CCDC171: variants seen among roughly 807,000 people sequenced by gnomAD.
CCDC171 encodes coiled-coil domain containing 171, also known as coiled-coil domain-containing protein 171.
CCDC171 carries 177 observed loss-of-function variants against 168.2 expected under a neutral mutation model. The observed-to-expected ratio is 1.05, with a 90% CI of 0.93 to 1.19. The LOEUF (loss-of-function observed/expected upper bound fraction) is 1.19, where lower values mean the gene tolerates loss of function less well. Among genes scored for constraint, CCDC171 ranks in the 50% most tolerant of loss-of-function variants. The pLI is 0.00. For missense variants in CCDC171, 1,991 were observed against 1,539.0 expected, an observed-to-expected ratio of 1.29 and a Z score of -4.91; for synonymous variants, 687 against 540.8, an observed-to-expected ratio of 1.27 and a Z score of -3.75.
At chr9:16,031,801 T>G (rs915299807) in intron 6 of CCDC171, among the ~76,000 whole-genome samples, 2 of 152,046 alleles carry the variant, frequency 1.3e-5, no homozygotes, top group Non-Finnish European at 2.9e-5. Flanking sequence ...GGGAACATGT[T>G]GAGATGGGGT....
intron 4 of CCDC171, among the ~76,000 whole-genome samples, chr9:15,583,042 G>T (rs969395607): frequency 1.3e-5 from 2 of 151,876 alleles, no homozygotes; most frequent in African/African-American, 2.4e-5. Context: ...ACATGCACAC[G>T]CAGGTTTACA....
the CCDC171 span, among the ~76,000 whole-genome samples, chr9:16,068,775 A>G: frequency 6.6e-6 from 1 of 151,684 alleles, no homozygotes; most frequent in Non-Finnish European, 1.5e-5. Context: ...TTCTGCCAGG[A>G]TACGATGTAT....
chr9:16,091,133 C>G, the CCDC171 span, among the ~76,000 whole-genome samples: 2 of 152,178 alleles, frequency 1.3e-5, no homozygotes, highest in Non-Finnish European at 2.9e-5. Flanking sequence ...GATTAGCTGC[C>G]TGGAGCTGCC....
intron 21 of CCDC171, among the ~76,000 whole-genome samples, chr9:15,841,050 G>T (rs187680991): frequency 5.9e-5 from 9 of 151,972 alleles, no homozygotes; most frequent in Non-Finnish European, 1.0e-4. Context: ...TGAGAATATG[G>T]TACAGATAAT....
chr9:15,944,646 G>C (rs1289904524), intron 25 of CCDC171, among the ~76,000 whole-genome samples: 2 of 152,004 alleles, frequency 1.3e-5, no homozygotes, highest in African/African-American at 4.8e-5. Context: ...AGGCATGCGG[G>C]TTTAAATGAA....
chr9:15,666,601 A>G (rs2048751757), intron 9 of CCDC171, among the ~76,000 whole-genome samples: 2 of 152,158 alleles, frequency 1.3e-5, no homozygotes, highest in African/African-American at 4.8e-5. Context: ...GAGTGATGTA[A>G]CGCAATATCT....
At chr9:15,884,481 G>C (rs938369445) in intron 24 of CCDC171, among the ~76,000 whole-genome samples, 1 of 152,160 alleles carries the variant, frequency 6.6e-6, no homozygotes. Context: ...CCATAAGTCT[G>C]TGCAATTTAC....
At chr9:16,054,609 G>A (rs972467657) in intron 1 of CCDC171, among the ~76,000 whole-genome samples, 1 of 152,200 alleles carries the variant, frequency 6.6e-6, no homozygotes, top group African/African-American at 2.4e-5. Context: ...AATAGAGCCA[G>A]GGGGAGGACT....
chr9:15,661,962 C>G (rs887052813), intron 8 of CCDC171, among the ~76,000 whole-genome samples: 6 of 152,210 alleles, frequency 3.9e-5, no homozygotes, highest in African/African-American at 1.4e-4. Context: ...ACCTATTTTA[C>G]TCCCTTAGTT....
intron 1 of CCDC171, among the ~76,000 whole-genome samples, chr9:16,058,058 T>TA (rs1000985343): frequency 6.8e-6 from 1 of 147,956 alleles, no homozygotes; most frequent in African/African-American, 2.5e-5. Flanking sequence ...AAAAAAATAA[T>TA]AATAATAATA....
At chr9:15,860,808 T>G (rs889736963) in intron 23 of CCDC171, among the ~76,000 whole-genome samples, 5 of 151,998 alleles carry the variant, frequency 3.3e-5, no homozygotes, top group Admixed American at 6.6e-5. Flanking sequence ...TTTCTTTTTC[T>G]GACTGGTTGT....
the CCDC171 span, among the ~76,000 whole-genome samples, chr9:16,087,500 T>C: frequency 1.3e-5 from 2 of 152,072 alleles, no homozygotes; most frequent in Non-Finnish European, 2.9e-5. Flanking sequence ...TCTTTGTCTT[T>C]TTTGATCTTT....
chr9:15,666,165 A>G lies in CCDC171; in HGVS notation c.918A>G (p.Leu306=). 2 of 1,613,364 alleles carry G rather than the reference A, an allele frequency of 1.2e-6. No homozygotes were observed. The highest frequency in any genetic ancestry group is 1.7e-4 in the Middle Eastern group (1 of 6,056). ...ATTACTTGTCTGTCGTCCGGTAGTT[A>G]CGGATTCGAGACCTTGAAGGAGCTT... The part of the protein sequence containing the change: ...ESKFNSEIIQ[L]RIRDLEGALQ... The change falls in exon 9 of 26, where the codon TTA becomes TTG. Residue 306 remains leucine, a splice_region_variant and synonymous_variant. Transcript: ENST00000380701.
At chr9:16,071,154 T>C in the CCDC171 span, among the ~76,000 whole-genome samples, 1 of 152,166 alleles carries the variant, frequency 6.6e-6, no homozygotes, top group East Asian at 1.9e-4. Flanking sequence ...AGAGAGGAGA[T>C]GGAGTTCCGA....
At chr9:15,748,295 C>A (rs1338221191) in intron 18 of CCDC171, among the ~76,000 whole-genome samples, 2 of 152,032 alleles carry the variant, frequency 1.3e-5, no homozygotes, top group Non-Finnish European at 2.9e-5. Context: ...AAAAAATGAA[C>A]AAAGCCTCCA....
intron 25 of CCDC171, among the ~76,000 whole-genome samples, chr9:15,938,392 C>T (rs1305917467): frequency 6.6e-6 from 1 of 151,628 alleles, no homozygotes; most frequent in Non-Finnish European, 1.5e-5. Flanking sequence ...TAGAGAAGAG[C>T]ATTTAAGCTT....
At chr9:15,848,870 A>T (rs1301160404) in intron 22 of CCDC171, 23 bp from the exon 23 acceptor site, 2 of 1,443,832 alleles carry the variant, frequency 1.4e-6, no homozygotes, top group Non-Finnish European at 1.9e-6. Context: ...TTTTACTAAC[A>T]CTTAATCTTT....
intron 16 of CCDC171, among the ~76,000 whole-genome samples, chr9:15,733,980 G>T (rs1049594088): frequency 6.6e-6 from 1 of 151,908 alleles, no homozygotes; most frequent in Non-Finnish European, 1.5e-5. Flanking sequence ...TCACTATGTT[G>T]CCCAGGCTGG....
intron 21 of CCDC171, among the ~76,000 whole-genome samples, chr9:15,799,809 T>C (rs956573010): frequency 6.6e-6 from 1 of 152,064 alleles, no homozygotes; most frequent in South Asian, 2.1e-4. Context: ...ATCCTTCTAC[T>C]GTCTATCTCC....
Sources: gnomAD v4.1 joint callset for allele counts (sites outside exome capture counted in the v4.1 genomes callset) on GRCh38, gnomAD v4.1.1 for gene constraint, MANE v1.5 for transcripts, NCBI Gene and HGNC (gene_info 2026-07-23, HGNC 2026-07-21) for gene names.